AGXT2: variants seen among roughly 807,000 people sequenced by gnomAD.
The protein encoded by AGXT2 is alanine--glyoxylate aminotransferase 2, mitochondrial.
In AGXT2, 61 loss-of-function variants were observed where a neutral mutation model predicts 62.5. The ratio of observed to expected loss-of-function variants is 0.98; its 90% CI spans 0.79 to 1.21. The LOEUF is 1.21. AGXT2 is among the 50% of genes most tolerant of loss of function. The pLI, the probability that AGXT2 is intolerant of heterozygous loss-of-function variation, is 0.00. For synonymous variants in AGXT2, 243 were observed against 218.7 expected, an observed-to-expected ratio of 1.11 and a Z score of -0.98; for missense variants, 666 against 641.5, an observed-to-expected ratio of 1.04 and a Z score of -0.41.
intron 10 of AGXT2, among the ~76,000 whole-genome samples, chr5:35,013,372 C>T (rs1766715605): frequency 6.6e-6 from 1 of 152,198 alleles, no homozygotes; most frequent in South Asian, 2.1e-4. Flanking sequence ...GAGCCCTCTC[C>T]CACCCCTCTC....
rs771306167 is a variant in AGXT2 at position 35,014,132 on chromosome 5, G to A, written c.964-13C>T. 3.1e-6 allele frequency: 5 copies of A among 1,613,840 alleles called. No individual in the cohort carries two copies. The South Asian group carries it at 4.4e-5, about 14-fold the overall frequency. ...ATCCTGTCTGCACCTGGGAAAACAA[G>A]TTCAAAACCATTGGAAACCCTTCAA... is the stretch of plus-strand genomic sequence containing the variant. On this transcript the variant is annotated splice_polypyrimidine_tract_variant and intron_variant, in intron 9 of 13. Transcript: ENST00000231420.
chr5:35,018,509 A>C (rs1255794896), intron 9 of AGXT2, among the ~76,000 whole-genome samples: 1 of 152,222 alleles, frequency 6.6e-6, no homozygotes, highest in East Asian at 1.9e-4. Context: ...AATACTTTAC[A>C]AACAAGCAAA....
chr5:35,014,228 T>C (rs1177057296), intron 9 of AGXT2, 109 bp from the exon 10 acceptor site: 3 of 1,458,834 alleles, frequency 2.1e-6, no homozygotes, highest in Non-Finnish European at 1.9e-6. Flanking sequence ...CTGAAGCAGG[T>C]GGATCATGAG....
chr5:35,037,292 CTCATTGA>C, intron 3 of AGXT2, among the ~76,000 whole-genome samples: 2 of 152,270 alleles, frequency 1.3e-5, no homozygotes, highest in South Asian at 4.1e-4. Context: ...CAAAAGGAGA[CTCATTGA>C]TTACAAGGGA....
Position 35,033,477 on chromosome 5 carries a change from C to T in AGXT2, c.658G>A (p.Gly220Arg), listed in dbSNP as rs755915970. 5 of 1,613,326 alleles carry T rather than the reference C, an allele frequency of 3.1e-6. No homozygotes were observed. The South Asian group carries it at 5.5e-5, about 18-fold the overall frequency. ...AAACTCACTGGTTGGCAACCTGTCC[C>T]ACCAGGGAGTTCCATCTTGTAGGTC... ...VGTYKMELPG[G>R]TGCQPTMCPD... The change falls in exon 6 of 14, where the codon GGG becomes AGG. Residue 220 changes from glycine (G) to arginine (R), a missense_variant. Gly to Arg is a moderately radical substitution (Grantham distance 125, BLOSUM62 -2). Coordinates refer to ENST00000231420, the MANE Select transcript of AGXT2 (RefSeq NM_031900.4).
chr5:35,046,518 T>A (rs1768215750), intron 1 of AGXT2, among the ~76,000 whole-genome samples: 1 of 152,208 alleles, frequency 6.6e-6, no homozygotes, highest in South Asian at 2.1e-4. Flanking sequence ...CACATACATG[T>A]TTCTGCCTTT....
chr5:35,003,619 G>T, intron 13 of AGXT2, 144 bp downstream of exon 13: 1 of 760,296 alleles, frequency 1.3e-6, no homozygotes, highest in Non-Finnish European at 2.3e-6. Flanking sequence ...TAGATGACAT[G>T]TGGCTGGGTA....
chr5:35,014,110 C>T lies in AGXT2; in HGVS notation c.973G>A (p.Gly325Arg), dbSNP rs143062537. 10 of 1,614,086 alleles carry T rather than the reference C, an allele frequency of 6.2e-6. No homozygotes were observed. The highest frequency in any genetic ancestry group is 2.2e-5 in the South Asian group (2 of 91,078). The change falls in exon 10 of 14, where the codon GGA becomes AGA. Residue 325 changes from glycine to arginine, a missense_variant. By Grantham distance (125) the Gly-to-Arg change is moderately radical. Transcript: ENST00000231420. ...GVCIADEVQT[G>R]FGRLGSHFWG... ...AAGTGAGAGCCCAACCTTCCAAATC[C>T]TGTCTGCACCTGGGAAAACAAGTTC...
intron 13 of AGXT2, among the ~76,000 whole-genome samples, chr5:35,003,088 G>A (rs1766293102): frequency 6.6e-6 from 1 of 152,200 alleles, no homozygotes; most frequent in African/African-American, 2.4e-5. Flanking sequence ...GCAGCCTCTC[G>A]GGCAGTGTGT....
chr5:35,016,041 C>T (rs1766839170), intron 9 of AGXT2, among the ~76,000 whole-genome samples: 1 of 152,052 alleles, frequency 6.6e-6, no homozygotes, highest in South Asian at 2.1e-4. Context: ...GGCTGGAATC[C>T]TGGGTTGCCT....
chr5:35,022,209 C>A (rs1201849015), intron 9 of AGXT2, among the ~76,000 whole-genome samples: 2 of 152,160 alleles, frequency 1.3e-5, no homozygotes, highest in African/African-American at 4.8e-5. Context: ...TTGACCCAGC[C>A]ATCCCATTAC....
chr5:35,025,100 G>T (rs1174728243), intron 9 of AGXT2, among the ~76,000 whole-genome samples: 1 of 152,186 alleles, frequency 6.6e-6, no homozygotes, highest in African/African-American at 2.4e-5. Context: ...ATCAGGCCTG[G>T]CACGGTGGCT....
chr5:35,003,459 TGTTA>T (rs1440002429), intron 13 of AGXT2, among the ~76,000 whole-genome samples: 1 of 152,206 alleles, frequency 6.6e-6, no homozygotes, highest in Non-Finnish European at 1.5e-5. Flanking sequence ...TCATCCATAC[TGTTA>T]GTTGTCCGCT....
chr5:35,016,559 AC>A (rs1198801210), intron 9 of AGXT2, among the ~76,000 whole-genome samples: 1 of 151,616 alleles, frequency 6.6e-6, no homozygotes, highest in Non-Finnish European at 1.5e-5. Flanking sequence ...TTTGACCTCA[AC>A]CCCCTCCCTC....
chr5:35,047,758 C>T (rs771084432), intron 1 of AGXT2, 47 bp downstream of exon 1: 3 of 1,607,020 alleles, frequency 1.9e-6, no homozygotes, highest in Non-Finnish European at 2.5e-6. Context: ...AAGTCTTACC[C>T]TCTCGCTGAT....
At chr5:35,029,506 T>A (rs904275096) in intron 7 of AGXT2, among the ~76,000 whole-genome samples, 1 of 152,230 alleles carries the variant, frequency 6.6e-6, no homozygotes, top group African/African-American at 2.4e-5. Context: ...GACTCATTGA[T>A]GTAACCCTAG....
At chr5:35,045,776 T>C (rs1768174461) in intron 1 of AGXT2, among the ~76,000 whole-genome samples, 1 of 132,856 alleles carries the variant, frequency 7.5e-6, no homozygotes, top group African/African-American at 2.7e-5. Flanking sequence ...TTTTTTTTTT[T>C]TTTTTTTTTG....
At chr5:35,006,656 G>C (rs1488624171) in intron 12 of AGXT2, among the ~76,000 whole-genome samples, 1 of 152,186 alleles carries the variant, frequency 6.6e-6, no homozygotes, top group Admixed American at 6.5e-5. Flanking sequence ...TTCAACATGA[G>C]ATTTGGAGGG....
At chr5:35,026,942 G>C in intron 7 of AGXT2, 1 of 984,814 alleles carries the variant, frequency 1.0e-6, no homozygotes, top group Non-Finnish European at 1.2e-6. Flanking sequence ...CTGATGTACC[G>C]TTTTAAAGCT....
Sources: gnomAD v4.1 joint callset for allele counts (sites outside exome capture counted in the v4.1 genomes callset) on GRCh38, gnomAD v4.1.1 for gene constraint, MANE v1.5 for transcripts, NCBI Gene and HGNC (gene_info 2026-07-23, HGNC 2026-07-21) for gene names.